The following CUX1 variants were observed in gnomAD, a reference collection of about 807,000 sequenced individuals.
CUX1 encodes cut like homeobox 1.
CUX1 carries 31 observed loss-of-function variants against 158.8 expected under a neutral mutation model. That is an observed-to-expected ratio of 0.20 (90% CI 0.15 to 0.26). The LOEUF (loss-of-function observed/expected upper bound fraction) is 0.26, where lower values mean the gene tolerates loss of function less well. Ranked by LOEUF, CUX1 falls within the 10% of genes least tolerant of loss-of-function variation. CUX1 has a pLI of 1.00. For synonymous variants in CUX1, 879 were observed against 862.1 expected, an observed-to-expected ratio of 1.02 and a Z score of -0.34; for missense variants, 1,589 against 2,014.6, an observed-to-expected ratio of 0.79 and a Z score of 4.04.
chr7:101,932,501 T>C (rs1806401385), intron 2 of CUX1: 1 of 427,348 alleles, frequency 2.3e-6, no homozygotes, highest in East Asian at 7.2e-5. Context: ...TCAAGCCTTT[T>C]CTTGAGATCA....
intron 9 of CUX1, among the ~76,000 whole-genome samples, chr7:102,169,212 C>T (rs965746718): frequency 3.9e-5 from 6 of 151,968 alleles, no homozygotes; most frequent in Admixed American, 2.6e-4. Flanking sequence ...GGATTATAGG[C>T]GTGAGCCACC....
At chr7:101,985,374 T>C (rs535792894) in intron 2 of CUX1, among the ~76,000 whole-genome samples, 2 of 152,208 alleles carry the variant, frequency 1.3e-5, no homozygotes, top group East Asian at 3.9e-4. Context: ...TGGGGAAATG[T>C]AGCTAGCCTG....
intron 1 of CUX1, among the ~76,000 whole-genome samples, chr7:101,824,181 A>G (rs181277043): frequency 6.6e-6 from 1 of 152,284 alleles, no homozygotes; most frequent in Admixed American, 6.5e-5. Flanking sequence ...TCCACCTCCC[A>G]GGTTCAAGTG....
chr7:101,912,280 G>A (rs1215386733), intron 1 of CUX1, among the ~76,000 whole-genome samples: 3 of 133,396 alleles, frequency 2.2e-5, no homozygotes, highest in Non-Finnish European at 3.0e-5. Context: ...CCCTGAGACT[G>A]GCCAGTGGGC....
intron 1 of CUX1, among the ~76,000 whole-genome samples, chr7:101,848,393 A>G (rs1288373022): frequency 6.6e-6 from 1 of 152,210 alleles, no homozygotes; most frequent in African/African-American, 2.4e-5. Context: ...TGTGAGTCAC[A>G]CAACACTTGG....
downstream of CUX1, among the ~76,000 whole-genome samples, chr7:102,261,644 C>G (rs1455439052): frequency 6.6e-6 from 1 of 151,466 alleles, no homozygotes; most frequent in Non-Finnish European, 1.5e-5. Flanking sequence ...TCCCATTGTT[C>G]AGGGAGGCGT....
intron 2 of CUX1, among the ~76,000 whole-genome samples, chr7:101,917,094 C>T (rs972598766): frequency 3.9e-5 from 6 of 152,208 alleles, no homozygotes; most frequent in South Asian, 2.1e-4. Flanking sequence ...GCCCGGCTTC[C>T]GGGCTTGGGG....
At chr7:101,898,253 TCA>T (rs1287599545) in intron 1 of CUX1, among the ~76,000 whole-genome samples, 1 of 152,186 alleles carries the variant, frequency 6.6e-6, no homozygotes, top group Non-Finnish European at 1.5e-5. Flanking sequence ...AATGTAAAAG[TCA>T]CTCTTTAAGA....
chr7:102,226,448 G>A (rs1011552046), intron 20 of CUX1, among the ~76,000 whole-genome samples: 1 of 152,144 alleles, frequency 6.6e-6, no homozygotes, highest in Non-Finnish European at 1.5e-5. Flanking sequence ...AAAAACAGCT[G>A]GGCATGGTGG....
At chr7:102,283,243 C>G in exon 23 of CUX1, 1 of 665,822 alleles carries the variant, frequency 1.5e-6, no homozygotes. Flanking sequence ...CACCTCGGGT[C>G]CCCTTGAAAG....
chr7:102,028,159 T>C lies in CUX1; in HGVS notation c.189+14T>C, dbSNP rs2129333115. 6.2e-7 allele frequency: 1 copy of C among 1,613,262 alleles called. No individual in the cohort carries two copies. Among genetic ancestry groups the C allele is most frequent in the Non-Finnish European group, 8.5e-7 (1 of 1,179,836 alleles). ...TTCCAAGGAGAGGTAAGCTTTTCTA[T>C]TCATTTTCTATCCTGAGCCACCCTT... On this transcript the variant is annotated intron_variant, in intron 3 of 23. Coordinates refer to ENST00000292535, the MANE Select transcript of CUX1 (RefSeq NM_181552.4).
rs782396068 is a variant in CUX1 at position 102,201,994 on chromosome 7, G to A, written c.2697G>A (p.Gly899=). The A allele has an allele frequency of 6.2e-7, 1 of 1,614,012 alleles. No homozygotes were observed. The highest frequency in any genetic ancestry group is 8.5e-7 in the Non-Finnish European group (1 of 1,179,990). The change falls in exon 18 of 24, where the codon GGG becomes GGA. Residue 899 remains glycine (G), a synonymous_variant. Transcript: ENST00000292535. This position sits in a 1 kb window ranked among gnomAD's most constrained non-coding sequence, Gnocchi z 5.0. Reference sequence around the variant, plus strand: ...AGAGCTCAGAGCTGAGTCTGACCGGGGCCAGCCGCAGCGAGACACCACAGA... The same window carrying A: ...AGAGCTCAGAGCTGAGTCTGACCGGAGCCAGCCGCAGCGAGACACCACAGA... ...YSQSSELSLT[G]ASRSETPQNS...
rs1344491597 is a variant in CUX1 at position 102,264,412 on chromosome 7, G to A, written c.1256-8954G>A. On this transcript the variant is annotated intron_variant, in intron 14 of 22. Coordinates refer to the CUX1 transcript ENST00000292538. ...TGAGAACTGCCAGTTCAAAGGTCTCGTGGTGCAAATGTCTCTGGAAACCAG... is the reference window on the plus strand; with the variant it reads ...TGAGAACTGCCAGTTCAAAGGTCTCATGGTGCAAATGTCTCTGGAAACCAG... Among the ~76,000 whole-genome samples the A allele has an allele frequency of 3.9e-5, 6 of 152,180 alleles. No homozygotes were observed. The East Asian group carries it at 5.8e-4, about 15-fold the overall frequency.
At chr7:101,956,722 A>C (rs1455999968) in intron 2 of CUX1, among the ~76,000 whole-genome samples, 1 of 152,230 alleles carries the variant, frequency 6.6e-6, no homozygotes, top group Non-Finnish European at 1.5e-5. Context: ...CGAAGCGGGC[A>C]GTGCGGGTTG....
chr7:101,940,472 T>C (rs1807574318), intron 2 of CUX1, among the ~76,000 whole-genome samples: 1 of 151,884 alleles, frequency 6.6e-6, no homozygotes, highest in Admixed American at 6.6e-5. Context: ...TCCTTCTGGG[T>C]GCAGCTCTGC....
At chr7:102,180,333 T>G (rs1415080081) in intron 11 of CUX1, among the ~76,000 whole-genome samples, 3 of 149,898 alleles carry the variant, frequency 2.0e-5, no homozygotes, top group African/African-American at 7.4e-5. Context: ...TTTTTTTTTT[T>G]TGAAACGGAG....
At chr7:102,032,154 C>T (rs987095471) in intron 3 of CUX1, among the ~76,000 whole-genome samples, 4 of 151,714 alleles carry the variant, frequency 2.6e-5, no homozygotes, top group South Asian at 2.1e-4. Context: ...GTCTTGAACT[C>T]CTGAGCTCCA....
intron 11 of CUX1, among the ~76,000 whole-genome samples, chr7:102,189,396 A>T (rs4729777): frequency 0.33 from 17,550 of 53,740 alleles, 1,511 homozygotes; most frequent in Non-Finnish European, 0.37. Context: ...TTTTTTTTTT[A>T]AAAAAAAAAG....
In CUX1 at chr7:102,013,541, T is replaced by C. The variant is rs368556406; in HGVS notation, c.142-14557T>C. Among the ~76,000 whole-genome samples, 53 of 152,300 alleles carry C rather than the reference T, an allele frequency of 3.5e-4. 1 individual carries two copies. Among genetic ancestry groups the C allele is most frequent in the African/African-American group, 1.0e-3 (43 of 41,574 alleles). On this transcript the variant is annotated intron_variant, in intron 2 of 23. Transcript: ENST00000292535. Reference sequence around the variant, plus strand: ...TTGCTTAGAGGAATTCCAAAAGTATTCAAAAGGCAGTTATTGACCAAACAC... The same window carrying C: ...TTGCTTAGAGGAATTCCAAAAGTATCCAAAAGGCAGTTATTGACCAAACAC...
Sources: allele counts gnomAD v4.1 joint callset (sites outside exome capture counted in the v4.1 genomes callset), GRCh38; gene constraint gnomAD v4.1.1; non-coding constraint Gnocchi (gnomAD v3.1); transcripts MANE v1.5; gene names NCBI Gene and HGNC (gene_info 2026-07-23, HGNC 2026-07-21).